SPART: variants seen among roughly 807,000 people sequenced by gnomAD.
SPART encodes the protein spartin, also known as spastic paraplegia 20 (Troyer syndrome).
SPART carries 35 observed loss-of-function variants against 58.7 expected under a neutral mutation model. The observed-to-expected ratio is 0.60, with a 90% CI of 0.46 to 0.79. SPART has a LOEUF of 0.79. SPART is among the 30% of genes least tolerant of loss of function. The pLI, the probability that SPART is intolerant of heterozygous loss-of-function variation, is 0.00. For synonymous variants in SPART, 284 were observed against 280.7 expected (o/e 1.01, Z -0.12); for missense variants, 730 against 786.1 (o/e 0.93, Z 0.85).
At chr13:36,316,657 T>C (rs771708389) in intron 5 of SPART, among the ~76,000 whole-genome samples, 5 of 152,072 alleles carry the variant, frequency 3.3e-5, no homozygotes, top group Non-Finnish European at 5.9e-5. Flanking sequence ...GCCCCACCCT[T>C]ATCTCCCTTT....
At chr13:36,352,271 T>G (rs894001645) in intron 1 of SPART, among the ~76,000 whole-genome samples, 2 of 152,244 alleles carry the variant, frequency 1.3e-5, no homozygotes, top group African/African-American at 4.8e-5. Context: ...ATATAGTGGA[T>G]GATGGGCAAT....
intron 8 of SPART, among the ~76,000 whole-genome samples, chr13:36,310,163 T>C (rs1880945029): frequency 6.6e-6 from 1 of 152,196 alleles, no homozygotes; most frequent in Non-Finnish European, 1.5e-5. Context: ...AATTAATACG[T>C]AGGAAAAGCA....
At chr13:36,305,319 C>G (rs1880409700) in intron 8 of SPART, among the ~76,000 whole-genome samples, 1 of 152,112 alleles carries the variant, frequency 6.6e-6, no homozygotes, top group Admixed American at 6.6e-5. Flanking sequence ...CCACCTCCAC[C>G]TCTTGACAAT....
chr13:36,315,675 G>T (rs1566113322), intron 5 of SPART, among the ~76,000 whole-genome samples: 1 of 152,032 alleles, frequency 6.6e-6, no homozygotes, highest in African/African-American at 2.4e-5. Context: ...CAAGCAAACA[G>T]GCTTCCATAA....
At chr13:36,326,795 A>G in intron 4 of SPART, 97 bp from the exon 5 acceptor site, 1 of 1,339,658 alleles carries the variant, frequency 7.5e-7, no homozygotes, top group Non-Finnish European at 1.0e-6. Flanking sequence ...CAAATACTAG[A>G]TAAAATTAAT....
chr13:36,306,061 A>T (rs552126550), intron 8 of SPART, among the ~76,000 whole-genome samples: 1 of 152,306 alleles, frequency 6.6e-6, no homozygotes, highest in Admixed American at 6.5e-5. Flanking sequence ...GGATGATTCT[A>T]TTCTGTCCTT....
At chr13:36,316,061 T>C (rs1185216710) in intron 5 of SPART, among the ~76,000 whole-genome samples, 1 of 152,258 alleles carries the variant, frequency 6.6e-6, no homozygotes, top group African/African-American at 2.4e-5. Context: ...ATATTTTAAA[T>C]GGCATGTACA....
chr13:36,329,044 T>C (rs1466338852), intron 4 of SPART, among the ~76,000 whole-genome samples: 2 of 152,196 alleles, frequency 1.3e-5, no homozygotes, highest in South Asian at 2.1e-4. Context: ...AAGGCTGCAG[T>C]GAGCCATGTT....
At chr13:36,322,751 A>C (rs1381150374) in intron 5 of SPART, among the ~76,000 whole-genome samples, 2 of 152,118 alleles carry the variant, frequency 1.3e-5, no homozygotes, top group East Asian at 3.9e-4. Context: ...TCCTCTAAAA[A>C]CCTAGAAATG....
intron 5 of SPART, among the ~76,000 whole-genome samples, chr13:36,325,114 G>C (rs1343105410): frequency 2.0e-5 from 3 of 152,128 alleles, no homozygotes; most frequent in African/African-American, 4.8e-5. Context: ...GCTTGGCTTG[G>C]GCTCAGAGGC....
intron 5 of SPART, chr13:36,326,273 A>C: frequency 5.5e-6 from 2 of 366,174 alleles, no homozygotes; most frequent in Non-Finnish European, 1.0e-5. Flanking sequence ...GGAGCTTCAA[A>C]GGGGAAACGA....
chr13:36,322,752 C>T (rs991802931), intron 5 of SPART, among the ~76,000 whole-genome samples: 1 of 152,124 alleles, frequency 6.6e-6, no homozygotes, highest in Non-Finnish European at 1.5e-5. Flanking sequence ...CCTCTAAAAA[C>T]CTAGAAATGA....
At position 36,335,159 on chromosome 13, in the gene SPART, T is replaced by C. The variant is rs765080389; in HGVS notation, c.672A>G (p.Ile224Met). The C allele has an allele frequency of 1.4e-5, 22 of 1,614,022 alleles. No homozygotes were observed. Among genetic ancestry groups the C allele is most frequent in the Non-Finnish European group, 1.8e-5 (21 of 1,180,020 alleles). ...LGLDADELIL[I>M]PNGVQIFFVN... Reference sequence around the variant, plus strand: ...CAAAAAAAATCTGTACTCCATTTGGTATCAAAATCAATTCATCTGCATCCA... The same window carrying C: ...CAAAAAAAATCTGTACTCCATTTGGCATCAAAATCAATTCATCTGCATCCA... The change falls in exon 2 of 9, where the codon ATA becomes ATG. Residue 224 changes from isoleucine to methionine, a missense_variant. Physicochemically the swap from Ile to Met is conservative, Grantham distance 10 (BLOSUM62 1). Transcript: ENST00000438666.
At chr13:36,342,706 T>C (rs2137629594) in intron 1 of SPART, among the ~76,000 whole-genome samples, 1 of 152,262 alleles carries the variant, frequency 6.6e-6, no homozygotes, top group East Asian at 1.9e-4. Context: ...ATTACCACTC[T>C]AAATGGTCTT....
intron 8 of SPART, among the ~76,000 whole-genome samples, chr13:36,310,776 G>A (rs1881007899): frequency 6.6e-6 from 1 of 152,014 alleles, no homozygotes; most frequent in African/African-American, 2.4e-5. Context: ...AGGCCCCACT[G>A]GAAAGCCAAA....
rs1881482505 is a variant in SPART at position 36,314,521 on chromosome 13, G to C, written c.1289-100C>G. The C allele has an allele frequency of 4.3e-6, 5 of 1,153,312 alleles. No individual in the cohort carries two copies. The East Asian group carries it at 9.9e-5, about 23-fold the overall frequency. The allele number at this position is 1,153,312 out of a possible 1,614,324, so 71.4% of individuals were successfully genotyped here. ...AACCAGAAAAAAATAAAAGGAGTTTGATATTCAGATGCTAAATGTGCCATG... is the reference window on the plus strand; with the variant it reads ...AACCAGAAAAAAATAAAAGGAGTTTCATATTCAGATGCTAAATGTGCCATG... On this transcript the variant is annotated intron_variant, in intron 5 of 8. Transcript: ENST00000438666.
intron 7 of SPART, 35 bp from the exon 8 acceptor site, chr13:36,312,270 G>C (rs1208160032): frequency 6.2e-7 from 1 of 1,613,694 alleles, no homozygotes; most frequent in South Asian, 1.1e-5. Flanking sequence ...TGTAAATCTA[G>C]TCCAAAGCAA....
At chr13:36,341,213 A>T (rs1051447165) in intron 1 of SPART, among the ~76,000 whole-genome samples, 2 of 152,206 alleles carry the variant, frequency 1.3e-5, no homozygotes, top group Non-Finnish European at 1.5e-5. Flanking sequence ...ATGATAGAAA[A>T]TTTAATTACT....
intron 5 of SPART, chr13:36,326,242 G>T: frequency 2.9e-6 from 1 of 342,746 alleles, no homozygotes; most frequent in Non-Finnish European, 5.6e-6. Context: ...CTGAGGGACA[G>T]GGGTAGGGGG....
Sources: allele counts gnomAD v4.1 joint callset (sites outside exome capture counted in the v4.1 genomes callset), GRCh38; gene constraint gnomAD v4.1.1; transcripts MANE v1.5; gene names NCBI Gene and HGNC (gene_info 2026-07-23, HGNC 2026-07-21).